The following ACBD6 variants were observed in gnomAD, a reference collection of about 807,000 sequenced individuals.
ACBD6 encodes the protein acyl-CoA-binding domain-containing protein 6.
A neutral mutation model predicts 37.2 loss-of-function variants in ACBD6; 28 were observed. That is an observed-to-expected ratio of 0.75 (90% CI 0.56 to 1.03). The LOEUF (loss-of-function observed/expected upper bound fraction) is 1.03, where lower values mean the gene tolerates loss of function less well. Among genes scored for constraint, ACBD6 ranks in the 50% least tolerant of loss-of-function variants. The probability of loss-of-function intolerance (pLI) is 0.00; values close to 1 mark genes in which losing one functional copy is unlikely to be tolerated. For missense variants in ACBD6, 340 were observed against 337.4 expected, an observed-to-expected ratio of 1.01 and a Z score of -0.06; for synonymous variants, 113 against 126.8, an observed-to-expected ratio of 0.89 and a Z score of 0.73.
chr1:180,365,501 G>T (rs1653022241), intron 6 of ACBD6, among the ~76,000 whole-genome samples: 1 of 152,002 alleles, frequency 6.6e-6, no homozygotes, highest in Admixed American at 6.6e-5. Flanking sequence ...TCCTTCTCTG[G>T]AGTCTTCAAA....
chr1:180,332,949 T>C lies in ACBD6; in HGVS notation c.664-18227A>G, dbSNP rs527526145. ...CTGTTTTTAGAATAAAGTTCAAAAC[T>C]CTTACCATGGCCTAGAATAGCAGTT... On this transcript the variant is annotated intron_variant, in intron 6 of 7. Transcript: ENST00000367595. 3.9e-5 allele frequency among the ~76,000 whole-genome samples: 6 copies of C among 152,340 alleles called. No individual in the cohort carries two copies. In the South Asian group the frequency reaches 1.2e-3, roughly 32 times the overall value.
chr1:180,393,528 T>C (rs1341534649), intron 6 of ACBD6, among the ~76,000 whole-genome samples: 1 of 152,194 alleles, frequency 6.6e-6, no homozygotes, highest in Non-Finnish European at 1.5e-5. Flanking sequence ...TGGCAACCAA[T>C]AGGCCAGTCA....
At chr1:180,345,077 T>G (rs1379519927) in intron 6 of ACBD6, among the ~76,000 whole-genome samples, 1 of 152,208 alleles carries the variant, frequency 6.6e-6, no homozygotes, top group Non-Finnish European at 1.5e-5. Flanking sequence ...TGGAGCTTAG[T>G]CTCTATATTT....
rs569813713 is a variant in ACBD6 at position 180,502,563 on chromosome 1, G to A, written c.-297C>T. The A allele has an allele frequency of 1.0e-4, 45 of 440,714 alleles. 1 individual carries two copies. The highest frequency in any genetic ancestry group is 8.8e-4 in the South Asian group (42 of 47,760). The allele number at this position is 440,714 out of a possible 1,614,324, so 27.3% of individuals were successfully genotyped here. A position where few individuals can be genotyped will look rare whatever the true frequency, so the allele number is the denominator to read the frequency against. ...GCCTCAGGCCCCTCCAACGGAACAGGAGTCGAGGGGCAGTGAGGCCGGGAT... is the reference window on the plus strand; with the variant it reads ...GCCTCAGGCCCCTCCAACGGAACAGAAGTCGAGGGGCAGTGAGGCCGGGAT... On this transcript the variant is annotated 5_prime_UTR_variant, in exon 1 of 8. Coordinates refer to ENST00000367595, the MANE Select transcript of ACBD6 (RefSeq NM_032360.4).
At chr1:180,434,060 G>A (rs935395946) in intron 3 of ACBD6, among the ~76,000 whole-genome samples, 1 of 152,064 alleles carries the variant, frequency 6.6e-6, no homozygotes, top group African/African-American at 2.4e-5. Flanking sequence ...ACAACCATCT[G>A]GATGAACCCC....
chr1:180,437,337 C>A (rs998841363), intron 3 of ACBD6, among the ~76,000 whole-genome samples: 3 of 152,176 alleles, frequency 2.0e-5, no homozygotes, highest in Admixed American at 2.0e-4. Context: ...GTCCTGGGGA[C>A]TGAGTCCTCA....
intron 6 of ACBD6, among the ~76,000 whole-genome samples, chr1:180,353,961 C>T (rs1652521909): frequency 6.6e-6 from 1 of 152,172 alleles, no homozygotes; most frequent in African/African-American, 2.4e-5. Context: ...CTATTGCATT[C>T]CTGTTGTCAC....
At chr1:180,331,918 G>C (rs1651498340) in intron 6 of ACBD6, among the ~76,000 whole-genome samples, 1 of 152,080 alleles carries the variant, frequency 6.6e-6, no homozygotes, top group Non-Finnish European at 1.5e-5. Context: ...TCCTACTAGA[G>C]AGTATATTCT....
chr1:180,338,947 C>G (rs1651857453), intron 6 of ACBD6, among the ~76,000 whole-genome samples: 1 of 152,284 alleles, frequency 6.6e-6, no homozygotes, highest in African/African-American at 2.4e-5. Flanking sequence ...TCATCACTGG[C>G]CATCAGAGAA....
At chr1:180,391,513 A>G (rs1654076561) in intron 6 of ACBD6, among the ~76,000 whole-genome samples, 1 of 87,718 alleles carries the variant, frequency 1.1e-5, no homozygotes, top group South Asian at 4.8e-4. Flanking sequence ...AAATTTCCAC[A>G]ATGAACATAT....
At chr1:180,448,761 GGTACT>G (rs2102023278) in intron 3 of ACBD6, among the ~76,000 whole-genome samples, 1 of 152,254 alleles carries the variant, frequency 6.6e-6, no homozygotes, top group Admixed American at 6.5e-5. Context: ...GGTACTCATA[GGTACT>G]CTACTGCTTC....
At chr1:180,294,180 C>T (rs1166558478) in intron 7 of ACBD6, among the ~76,000 whole-genome samples, 1 of 151,970 alleles carries the variant, frequency 6.6e-6, no homozygotes, top group Non-Finnish European at 1.5e-5. Context: ...CAGGTGTGAG[C>T]CACCACACCT....
At chr1:180,437,945 A>C (rs1046337189) in intron 3 of ACBD6, among the ~76,000 whole-genome samples, 3 of 152,178 alleles carry the variant, frequency 2.0e-5, no homozygotes, top group African/African-American at 7.2e-5. Context: ...AGAATGTTAG[A>C]GTAGGGGTCC....
At chr1:180,484,359 A>C (rs1651175032) in intron 3 of ACBD6, among the ~76,000 whole-genome samples, 1 of 152,232 alleles carries the variant, frequency 6.6e-6, no homozygotes, top group South Asian at 2.1e-4. Flanking sequence ...AAAACAAAGT[A>C]AGATTCCTAT....
chr1:180,398,869 A>G (rs1654364395), intron 5 of ACBD6, among the ~76,000 whole-genome samples: 1 of 149,954 alleles, frequency 6.7e-6, no homozygotes, highest in African/African-American at 2.5e-5. Context: ...ATGTGATTTT[A>G]GAAAAGATTT....
chr1:180,285,975 T>C (rs1473615457), downstream of ACBD6, among the ~76,000 whole-genome samples: 1 of 152,200 alleles, frequency 6.6e-6, no homozygotes, highest in African/African-American at 2.4e-5. Flanking sequence ...AGTTTCTGAT[T>C]GGTAATTCAC....
At chr1:180,313,552 A>G (rs1438329920) in intron 7 of ACBD6, among the ~76,000 whole-genome samples, 4 of 152,198 alleles carry the variant, frequency 2.6e-5, no homozygotes, top group African/African-American at 9.7e-5. Flanking sequence ...GCAGTAGACA[A>G]AAGTGTCCAG....
intron 3 of ACBD6, among the ~76,000 whole-genome samples, chr1:180,467,460 A>C (rs1421034595): frequency 6.7e-6 from 1 of 150,084 alleles, no homozygotes; most frequent in Non-Finnish European, 1.5e-5. Flanking sequence ...AAAAAAAAAA[A>C]AAAAAAAAAA....
chr1:180,428,377 TAATA>T (rs1335059801), intron 4 of ACBD6, among the ~76,000 whole-genome samples: 5 of 152,242 alleles, frequency 3.3e-5, no homozygotes. Flanking sequence ...TATAGGTTCA[TAATA>T]AATGTGTGTT....
Sources: gnomAD v4.1 joint callset for allele counts (sites outside exome capture counted in the v4.1 genomes callset) on GRCh38, gnomAD v4.1.1 for gene constraint, MANE v1.5 for transcripts, NCBI Gene and HGNC (gene_info 2026-07-23, HGNC 2026-07-21) for gene names.